Variants in CRB1 observed in about 807,000 individuals in gnomAD.
The protein encoded by CRB1 is crumbs cell polarity complex component 1, also known as protein crumbs homolog 1.
CRB1 carries 83 observed loss-of-function variants against 120.0 expected under a neutral mutation model. The observed-to-expected ratio is 0.69, with a 90% CI of 0.58 to 0.83. The LOEUF is 0.83. Among genes scored for constraint, CRB1 ranks in the 40% least tolerant of loss-of-function variants. The pLI, the probability that CRB1 is intolerant of heterozygous loss-of-function variation, is 0.00. For missense variants in CRB1, 1,699 were observed against 1,687.6 expected (o/e 1.01, Z -0.12); for synonymous variants, 625 against 612.5 (o/e 1.02, Z -0.30).
In CRB1 at chr1:197,427,600, A is replaced by G. The variant is rs1485086776; in HGVS notation, c.2275A>G (p.Thr759Ala). The change falls in exon 7 of 12, where the codon ACT becomes GCT. Residue 759 changes from threonine (T) to alanine (A), a missense_variant. Physicochemically the swap from Thr to Ala is moderately conservative, Grantham distance 58. Coordinates refer to ENST00000367400, the MANE Select transcript of CRB1 (RefSeq NM_201253.3). ...SGLLLALENS[T>A]YQYIRVWLER... Reference sequence around the variant, plus strand: ...CTTACTTCTAGCTTTGGAAAACAGCACTTATCAATATATCCGTGTCTGGCT... The same window carrying G: ...CTTACTTCTAGCTTTGGAAAACAGCGCTTATCAATATATCCGTGTCTGGCT... 1 of 1,613,954 alleles carries G rather than the reference A, an allele frequency of 6.2e-7. No individual in the cohort carries two copies. The highest frequency in any genetic ancestry group is 8.5e-7 in the Non-Finnish European group (1 of 1,179,988).
intron 1 of CRB1, among the ~76,000 whole-genome samples, chr1:197,288,307 A>G (rs575447978): frequency 4.6e-5 from 7 of 152,004 alleles, no homozygotes; most frequent in African/African-American, 1.7e-4. Flanking sequence ...CAGACTGAAT[A>G]ACTTCATGAT....
intron 1 of CRB1, chr1:197,304,335 G>T (rs1657046092): frequency 1.2e-6 from 1 of 864,538 alleles, no homozygotes; most frequent in African/African-American, 1.8e-5. Flanking sequence ...TATTGATTTT[G>T]ATTTTGAATA....
At chr1:197,466,902 A>G (rs891035525) in intron 11 of CRB1, among the ~76,000 whole-genome samples, 2 of 152,238 alleles carry the variant, frequency 1.3e-5, no homozygotes, top group African/African-American at 2.4e-5. Context: ...AAGTCCATGA[A>G]CACCCAATGT....
chr1:197,431,277 C>T (rs1451337324), intron 8 of CRB1, among the ~76,000 whole-genome samples: 2 of 152,046 alleles, frequency 1.3e-5, no homozygotes, highest in Non-Finnish European at 2.9e-5. Flanking sequence ...ATACATTACA[C>T]TGTATATACA....
chr1:197,403,254 C>T (rs1315901645), intron 5 of CRB1, among the ~76,000 whole-genome samples: 1 of 152,160 alleles, frequency 6.6e-6, no homozygotes, highest in Non-Finnish European at 1.5e-5. Flanking sequence ...CTTGCTTTAC[C>T]TCTTCATAAA....
the CRB1 span, among the ~76,000 whole-genome samples, chr1:197,223,655 C>T: frequency 6.6e-6 from 1 of 152,104 alleles, no homozygotes; most frequent in Admixed American, 6.5e-5. Context: ...CATATTTGGA[C>T]TGTTGTATAC....
chr1:197,240,528 C>G, the CRB1 span, among the ~76,000 whole-genome samples: 1 of 152,116 alleles, frequency 6.6e-6, no homozygotes, highest in African/African-American at 2.4e-5. Flanking sequence ...TCATCCATGT[C>G]CCTGCAAAGG....
At chr1:197,277,040 C>T (rs1475642377) in intron 1 of CRB1, among the ~76,000 whole-genome samples, 1 of 151,806 alleles carries the variant, frequency 6.6e-6, no homozygotes, top group Non-Finnish European at 1.5e-5. Context: ...AAATCAGCCA[C>T]GGTGGAAGTA....
Position 197,434,763 on chromosome 1 carries a change from G to T in CRB1, c.2900G>T (p.Gly967Val). ...GGTCAAATATTATTCAGAAGCAATG[G>T]GAATATTACCAGAGAACTCACCAAT... ...QSGQILFRSNGNITRELTNIT... is the reference protein window; with the variant it reads ...QSGQILFRSNVNITRELTNIT... Residue 967 changes from glycine to valine, a missense_variant, in exon 9 of 12, where the codon GGG becomes GTG. Physicochemically the swap from Gly to Val is moderately radical, Grantham distance 109. Transcript: ENST00000367400. 1 of 1,613,552 alleles carries T rather than the reference G, an allele frequency of 6.2e-7. No individual in the cohort carries two copies. Among genetic ancestry groups the T allele is most frequent in the Non-Finnish European group, 8.5e-7 (1 of 1,179,676 alleles).
the CRB1 span, among the ~76,000 whole-genome samples, chr1:197,211,808 A>T: frequency 4.9e-4 from 75 of 151,530 alleles, 1 homozygote; most frequent in Non-Finnish European, 3.4e-4. Flanking sequence ...CAATATTAAA[A>T]TTTTTTTTTC....
intron 1 of CRB1, among the ~76,000 whole-genome samples, chr1:197,278,390 A>G (rs1459534414): frequency 5.9e-5 from 9 of 151,924 alleles, no homozygotes; most frequent in Non-Finnish European, 1.0e-4. Flanking sequence ...CAACAACAAA[A>G]ATTCTCTTGT....
Position 197,379,059 on chromosome 1 carries a change from A to G in CRB1, c.1171+22046A>G, listed in dbSNP as rs538547482. Among the ~76,000 whole-genome samples the G allele has an allele frequency of 3.3e-5, 5 of 152,308 alleles. No individual in the cohort carries two copies. In the South Asian group the frequency reaches 1.0e-3, roughly 32 times the overall value. On this transcript the variant is annotated intron_variant, in intron 5 of 11. Coordinates refer to ENST00000367400, the MANE Select transcript of CRB1 (RefSeq NM_201253.3). ...ATGAGACAGGCATCCTTGCAAAGAA[A>G]AAAGATTCTATGTGATTAGAGTTGT...
At chr1:197,476,498 T>C (rs1667204592) in intron 11 of CRB1, among the ~76,000 whole-genome samples, 1 of 152,038 alleles carries the variant, frequency 6.6e-6, no homozygotes, top group South Asian at 2.1e-4. Context: ...ATGCTCATAG[T>C]AAATGGTCAA....
chr1:197,434,115 T>C (rs1665006555), intron 8 of CRB1, among the ~76,000 whole-genome samples: 1 of 152,178 alleles, frequency 6.6e-6, no homozygotes, highest in South Asian at 2.1e-4. Context: ...ATGAAAGTAC[T>C]TGGGTGTAGA....
At chr1:197,292,494 G>A (rs1349012439) in intron 1 of CRB1, among the ~76,000 whole-genome samples, 2 of 151,990 alleles carry the variant, frequency 1.3e-5, no homozygotes, top group African/African-American at 2.4e-5. Context: ...GGAGGAGCTG[G>A]TACCATTCCT....
chr1:197,325,930 G>A (rs1399419329), intron 1 of CRB1, among the ~76,000 whole-genome samples: 1 of 152,042 alleles, frequency 6.6e-6, no homozygotes, highest in Non-Finnish European at 1.5e-5. Context: ...AATTCTTGAC[G>A]TTAATATCAG....
At chr1:197,246,130 C>G in the CRB1 span, among the ~76,000 whole-genome samples, 1 of 151,990 alleles carries the variant, frequency 6.6e-6, no homozygotes, top group Non-Finnish European at 1.5e-5. Context: ...ATGAAAGTCC[C>G]AGGTACCTAC....
At chr1:197,231,475 C>A in the CRB1 span, among the ~76,000 whole-genome samples, 1 of 151,980 alleles carries the variant, frequency 6.6e-6, no homozygotes, top group Non-Finnish European at 1.5e-5. Context: ...ATGCTAAAGT[C>A]AGAAAAGGAC....
At chr1:197,394,879 T>A (rs772295103) in intron 5 of CRB1, among the ~76,000 whole-genome samples, 2 of 152,042 alleles carry the variant, frequency 1.3e-5, no homozygotes, top group Non-Finnish European at 2.9e-5. Context: ...GCATATTAGG[T>A]TGCACTCAAA....
Sources: gnomAD v4.1 joint callset for allele counts (sites outside exome capture counted in the v4.1 genomes callset) on GRCh38, gnomAD v4.1.1 for gene constraint, MANE v1.5 for transcripts, NCBI Gene and HGNC (gene_info 2026-07-23, HGNC 2026-07-21) for gene names.